MED13: variants seen among roughly 807,000 people sequenced by gnomAD.
The protein encoded by MED13 is mediator of RNA polymerase II transcription subunit 13.
A neutral mutation model predicts 225.2 loss-of-function variants in MED13; 23 were observed. That is an observed-to-expected ratio of 0.10 (90% CI 0.07 to 0.14). MED13 has a LOEUF of 0.14. Among genes scored for constraint, MED13 ranks in the 10% least tolerant of loss-of-function variants. The pLI is 1.00. For missense variants in MED13, 2,197 were observed against 2,594.5 expected (o/e 0.85, Z 3.33); for synonymous variants, 942 against 889.2 (o/e 1.06, Z -1.06).
intron 11 of MED13, among the ~76,000 whole-genome samples, chr17:61,990,963 T>G (rs1416574533): frequency 6.6e-6 from 1 of 152,170 alleles, no homozygotes; most frequent in African/African-American, 2.4e-5. Flanking sequence ...CAGTAAAGTT[T>G]AATTTAGAAA....
At chr17:62,015,572 T>G (rs1305813067) in intron 8 of MED13, among the ~76,000 whole-genome samples, 1 of 151,778 alleles carries the variant, frequency 6.6e-6, no homozygotes, top group Non-Finnish European at 1.5e-5. Flanking sequence ...TTTGAACTTT[T>G]AATTTTATTT....
intron 2 of MED13, among the ~76,000 whole-genome samples, chr17:62,057,276 C>T (rs906313094): frequency 7.2e-5 from 11 of 152,010 alleles, no homozygotes; most frequent in Admixed American, 2.0e-4. Context: ...TCATTAATAA[C>T]CTATACATTC....
At chr17:61,959,124 C>CT (rs984509115) in intron 23 of MED13, among the ~76,000 whole-genome samples, 91 of 152,284 alleles carry the variant, frequency 6.0e-4, no homozygotes, top group African/African-American at 2.1e-3. Context: ...CTGCCTCAGC[C>CT]TCCCAAGTAG....
chr17:62,048,777 T>C (rs2080926370), intron 3 of MED13, among the ~76,000 whole-genome samples: 1 of 151,888 alleles, frequency 6.6e-6, no homozygotes, highest in Non-Finnish European at 1.5e-5. Flanking sequence ...AGGCACCCAA[T>C]AAAAAGAGTC....
At chr17:61,955,605 G>C (rs2079936009) in intron 25 of MED13, 38 bp from the exon 26 acceptor site, 3 of 1,542,352 alleles carry the variant, frequency 1.9e-6, no homozygotes, top group Non-Finnish European at 2.6e-6. Context: ...AATAAACGAA[G>C]AATAAATTGT....
At chr17:62,055,987 TA>T (rs1242322481) in intron 2 of MED13, among the ~76,000 whole-genome samples, 1 of 152,162 alleles carries the variant, frequency 6.6e-6, no homozygotes, top group Non-Finnish European at 1.5e-5. Context: ...AACAAACAAG[TA>T]GAGACCACCT....
intron 16 of MED13, among the ~76,000 whole-genome samples, chr17:61,975,550 C>T (rs1309783313): frequency 6.6e-6 from 1 of 152,162 alleles, no homozygotes; most frequent in African/African-American, 2.4e-5. Context: ...AACAATCTGG[C>T]GGTTCCTCAA....
At chr17:61,987,884 A>C (rs1291946080) in intron 11 of MED13, among the ~76,000 whole-genome samples, 14 of 151,854 alleles carry the variant, frequency 9.2e-5, no homozygotes, top group Admixed American at 9.2e-4. Flanking sequence ...CTGGGACTAC[A>C]GGCACGTGAC....
rs1160364640 is a variant in MED13, at chr17:61,983,128, G to A, written c.2889-14C>T. On this transcript the variant is annotated splice_polypyrimidine_tract_variant and intron_variant, in intron 15 of 29. Transcript: ENST00000397786. The stretch of plus-strand genomic sequence containing the variant: ...TTACTTCCATCACTATCATCACCAG[G>A]GTAAAAGAAGATCAAATATATATAT... The A allele has an allele frequency of 3.2e-6, 5 of 1,552,424 alleles. No homozygotes were observed. The highest frequency in any genetic ancestry group is 4.4e-6 in the Non-Finnish European group (5 of 1,145,870).
intron 8 of MED13, among the ~76,000 whole-genome samples, chr17:62,026,450 C>T (rs1430936139): frequency 6.7e-6 from 1 of 150,010 alleles, no homozygotes. Flanking sequence ...AGAAATTACT[C>T]CACAAAATCC....
intron 2 of MED13, among the ~76,000 whole-genome samples, chr17:62,055,107 G>A (rs1223600133): frequency 6.6e-6 from 1 of 152,184 alleles, no homozygotes; most frequent in Admixed American, 6.5e-5. Flanking sequence ...CTATCCGGGA[G>A]GCTGAGGCCA....
At chr17:61,977,504 T>G (rs957876573) in intron 16 of MED13, among the ~76,000 whole-genome samples, 2 of 152,328 alleles carry the variant, frequency 1.3e-5, no homozygotes, top group Middle Eastern at 3.4e-3. Context: ...CAGGCTGGAG[T>G]GCGGTGGCAC....
rs371238009 is a variant in MED13, at chr17:62,052,492, G to A, written c.470+45C>T. On this transcript the variant is annotated intron_variant, in intron 3 of 29. Coordinates refer to ENST00000397786, the MANE Select transcript of MED13 (RefSeq NM_005121.3). ...ACATTCTCTGTTAAGACACAAAAAGGAACAAATCTAAAGAAATATCACGTC... is the reference window on the plus strand; with the variant it reads ...ACATTCTCTGTTAAGACACAAAAAGAAACAAATCTAAAGAAATATCACGTC... 6.8e-5 allele frequency: 97 copies of A among 1,420,658 alleles called. No individual in the cohort carries two copies. The East Asian group carries it at 2.1e-3, about 30-fold the overall frequency. 88.0% of individuals were successfully genotyped at this position (1,420,658 alleles called of 1,614,324 possible).
intron 8 of MED13, among the ~76,000 whole-genome samples, chr17:62,028,359 AAAG>A (rs759181212): frequency 1.7e-4 from 26 of 152,158 alleles, no homozygotes; most frequent in East Asian, 1.2e-3. Flanking sequence ...TCATGGACAC[AAAG>A]AAGGGTCCAA....
At chr17:61,989,165 C>T (rs971696995) in intron 11 of MED13, among the ~76,000 whole-genome samples, 3 of 152,010 alleles carry the variant, frequency 2.0e-5, no homozygotes, top group African/African-American at 4.8e-5. Context: ...TGTGTGCCAC[C>T]ACACCCGGCT....
chr17:61,959,927 T>C (rs887607116), intron 23 of MED13, among the ~76,000 whole-genome samples: 1 of 152,058 alleles, frequency 6.6e-6, no homozygotes. Flanking sequence ...GGTTTCGCCA[T>C]GTTGCCCAGG....
chr17:61,960,889 T>C lies in MED13; in HGVS notation c.5458A>G (p.Ile1820Val). 6.2e-7 allele frequency: 1 copy of C among 1,608,880 alleles called. No homozygotes were observed. The highest frequency in any genetic ancestry group is 8.5e-7 in the Non-Finnish European group (1 of 1,176,104). ...LYGELLETCIINIDVPNRARR... is the reference protein window; with the variant it reads ...LYGELLETCIVNIDVPNRARR... ...TACCTATTTGGAACATCGATGTTAA[T>C]GATACAAGTTTCTAAAAGTTCTCCA... The change falls in exon 23 of 30, where the codon ATT becomes GTT. Residue 1820 changes from isoleucine to valine, a missense_variant. By Grantham distance (29) the Ile-to-Val change is conservative (BLOSUM62 3). Around this residue, in one of 12 missense-constraint regions of MED13, gnomAD observed 78 missense variants for 82.1 expected, o/e 0.95. Coordinates refer to ENST00000397786, the MANE Select transcript of MED13 (RefSeq NM_005121.3).
rs1322523008 is a variant in MED13, at chr17:61,942,770, C to G, written c.*3698G>C. Reference sequence around the variant, plus strand: ...TTTGTTCCTTATTCTCTTTTTGTCACGTTAAAAAGAAAAGCAATTGGACCA... The same window carrying G: ...TTTGTTCCTTATTCTCTTTTTGTCAGGTTAAAAAGAAAAGCAATTGGACCA... On this transcript the variant is annotated 3_prime_UTR_variant, in exon 30 of 30. Transcript: ENST00000397786. 6.7e-6 allele frequency: 1 copy of G among 149,762 alleles called. No homozygotes were observed. The highest frequency in any genetic ancestry group is 6.7e-5 in the Admixed American group (1 of 15,030). The allele number at this position is 149,762 out of a possible 1,614,324, so 9.3% of individuals were successfully genotyped here. A position where few individuals can be genotyped will look rare whatever the true frequency, so the allele number is the denominator to read the frequency against.
chr17:62,017,122 A>T (rs764615315), intron 8 of MED13, among the ~76,000 whole-genome samples: 12 of 151,520 alleles, frequency 7.9e-5, no homozygotes, highest in Non-Finnish European at 1.3e-4. Context: ...CAGTAAGTGA[A>T]TACGAATGGT....
Sources: gnomAD v4.1 joint callset for allele counts (sites outside exome capture counted in the v4.1 genomes callset) on GRCh38, gnomAD v4.1.1 for gene constraint, gnomAD v4.1.1 regional missense constraint, MANE v1.5 for transcripts, NCBI Gene and HGNC (gene_info 2026-07-23, HGNC 2026-07-21) for gene names.